The following DDR2 variants were observed in gnomAD, a reference collection of about 807,000 sequenced individuals.
The protein encoded by DDR2 is discoidin domain receptor tyrosine kinase 2, also known as discoidin domain-containing receptor 2.
In DDR2, 27 loss-of-function variants were observed where a neutral mutation model predicts 94.9. The ratio of observed to expected loss-of-function variants is 0.28; its 90% CI spans 0.21 to 0.39. The LOEUF (loss-of-function observed/expected upper bound fraction) is 0.39. Ranked by LOEUF, DDR2 falls within the 10% of genes least tolerant of loss-of-function variation. The pLI, the probability that DDR2 is intolerant of heterozygous loss-of-function variation, is 1.00. For synonymous variants in DDR2, 382 were observed against 377.2 expected (o/e 1.01, Z -0.15); for missense variants, 783 against 1,076.0 (o/e 0.73, Z 3.81).
At chr1:162,667,765 A>G (rs1658655153) in intron 2 of DDR2, among the ~76,000 whole-genome samples, 1 of 152,158 alleles carries the variant, frequency 6.6e-6, no homozygotes, top group Non-Finnish European at 1.5e-5. Context: ...CCACAACCCC[A>G]ACAATGACAC....
chr1:162,709,829 C>CAAGGTTG (rs1342029840), intron 2 of DDR2, among the ~76,000 whole-genome samples: 1 of 152,156 alleles, frequency 6.6e-6, no homozygotes, highest in East Asian at 1.9e-4. Context: ...TAGGGCTCAC[C>CAAGGTTG]AAGGTTGAAT....
chr1:162,742,411 G>A (rs536051457), intron 3 of DDR2, among the ~76,000 whole-genome samples: 7 of 152,220 alleles, frequency 4.6e-5, no homozygotes, highest in African/African-American at 9.6e-5. Flanking sequence ...CATCGTGGAC[G>A]GTGAAGTGGG....
chr1:162,761,834 A>G (rs898065013), intron 9 of DDR2, among the ~76,000 whole-genome samples: 4 of 152,222 alleles, frequency 2.6e-5, no homozygotes, highest in African/African-American at 9.6e-5. Context: ...TAAACCACTC[A>G]TCACTCAGCT....
chr1:162,635,919 T>C (rs1656793823), intron 1 of DDR2, among the ~76,000 whole-genome samples: 1 of 152,242 alleles, frequency 6.6e-6, no homozygotes, highest in Non-Finnish European at 1.5e-5. Flanking sequence ...GATTTAGTTC[T>C]ATTCATCAAA....
intron 2 of DDR2, among the ~76,000 whole-genome samples, chr1:162,671,505 G>A (rs1385670535): frequency 6.6e-6 from 1 of 152,162 alleles, no homozygotes; most frequent in Non-Finnish European, 1.5e-5. Context: ...AGGCCGAGAA[G>A]CTTCTGGGAG....
intron 5 of DDR2, 26 bp downstream of exon 5, chr1:162,754,881 T>C (rs1410666946): frequency 6.2e-7 from 1 of 1,612,878 alleles, no homozygotes. Flanking sequence ...ATCCAGATCC[T>C]GGATGTCCAA....
At chr1:162,728,111 A>G (rs1013422781) in intron 3 of DDR2, among the ~76,000 whole-genome samples, 2 of 144,332 alleles carry the variant, frequency 1.4e-5, no homozygotes, top group Non-Finnish European at 3.0e-5. Flanking sequence ...ATATATCTAT[A>G]TATAGATATA....
chr1:162,750,085 AG>A (rs1663104551), intron 3 of DDR2, among the ~76,000 whole-genome samples: 1 of 152,210 alleles, frequency 6.6e-6, no homozygotes, highest in African/African-American at 2.4e-5. Flanking sequence ...AACTGGCACA[AG>A]ACAGGGATGC....
At chr1:162,716,692 C>T (rs573273785) in intron 2 of DDR2, among the ~76,000 whole-genome samples, 1 of 151,978 alleles carries the variant, frequency 6.6e-6, no homozygotes, top group Admixed American at 6.6e-5. Flanking sequence ...CAGTCAAAAC[C>T]ATCTGACTAC....
At chr1:162,714,956 A>G (rs1661094895) in intron 2 of DDR2, among the ~76,000 whole-genome samples, 1 of 152,230 alleles carries the variant, frequency 6.6e-6, no homozygotes, top group African/African-American at 2.4e-5. Context: ...AAGTGGGTAG[A>G]GAAGGGCTTT....
intron 2 of DDR2, among the ~76,000 whole-genome samples, chr1:162,680,370 A>G (rs906203795): frequency 6.6e-6 from 1 of 152,120 alleles, no homozygotes; most frequent in Non-Finnish European, 1.5e-5. Context: ...AGCTATCTCA[A>G]TATCATTTAT....
At chr1:162,665,524 G>A (rs749835713) in intron 2 of DDR2, among the ~76,000 whole-genome samples, 7 of 149,972 alleles carry the variant, frequency 4.7e-5, no homozygotes, top group South Asian at 2.1e-4. Flanking sequence ...TTATAATGCC[G>A]TCCTCAGTGA....
intron 2 of DDR2, among the ~76,000 whole-genome samples, chr1:162,690,377 C>A (rs1212183022): frequency 6.6e-6 from 1 of 152,112 alleles, no homozygotes; most frequent in East Asian, 1.9e-4. Context: ...GACACTCATG[C>A]CAGCTCTGCC....
At chr1:162,673,845 C>T (rs1216167849) in intron 2 of DDR2, among the ~76,000 whole-genome samples, 1 of 152,040 alleles carries the variant, frequency 6.6e-6, no homozygotes, top group Non-Finnish European at 1.5e-5. Flanking sequence ...ATCTATTTGC[C>T]TCCACTTACA....
At chr1:162,719,457 G>C (rs1212081564) in intron 3 of DDR2, among the ~76,000 whole-genome samples, 2 of 152,132 alleles carry the variant, frequency 1.3e-5, no homozygotes, top group African/African-American at 4.8e-5. Flanking sequence ...AGAAAAACAG[G>C]ACAGAATTTT....
intron 2 of DDR2, among the ~76,000 whole-genome samples, chr1:162,656,859 G>GTTTTTTTTTTTTTTTT (rs200020368): frequency 9.3e-6 from 1 of 107,208 alleles, no homozygotes; most frequent in Non-Finnish European, 1.8e-5. Context: ...TATTTTTTTT[G>GTTTTTTTTTTTTTTTT]TTAACAGGGT....
At chr1:162,719,584 A>G (rs368909175) in intron 3 of DDR2, among the ~76,000 whole-genome samples, 4 of 152,186 alleles carry the variant, frequency 2.6e-5, no homozygotes, top group African/African-American at 7.2e-5. Flanking sequence ...GTGGGATCTC[A>G]GGCAGGTTCT....
chr1:162,762,480 T>C (rs919397845), intron 9 of DDR2, among the ~76,000 whole-genome samples: 10 of 152,360 alleles, frequency 6.6e-5, no homozygotes, highest in Middle Eastern at 3.4e-3. Flanking sequence ...ATGAACTTTT[T>C]CCCTAAGTTT....
intron 7 of DDR2, among the ~76,000 whole-genome samples, chr1:162,759,035 G>A (rs990571083): frequency 3.9e-5 from 6 of 152,126 alleles, no homozygotes; most frequent in African/African-American, 1.4e-4. Flanking sequence ...CTTTAAAACA[G>A]AGCCTCTTAC....
Sources: gnomAD v4.1 joint callset for allele counts (sites outside exome capture counted in the v4.1 genomes callset) on GRCh38, gnomAD v4.1.1 for gene constraint, MANE v1.5 for transcripts, NCBI Gene and HGNC (gene_info 2026-07-23, HGNC 2026-07-21) for gene names.